Variants in GTF2H5 observed in about 807,000 individuals in gnomAD.
The protein encoded by GTF2H5 is general transcription factor IIH subunit 5, also known as TFB5 ortholog.
Under a neutral mutation model 7.1 loss-of-function variants are expected in GTF2H5, and 5 were observed. The observed-to-expected ratio is 0.71, with a 90% CI of 0.37 to 1.49. GTF2H5 has a LOEUF of 1.49. Among genes scored for constraint, GTF2H5 ranks in the 40% most tolerant of loss-of-function variants. The pLI is 0.03. For missense variants in GTF2H5, 80 were observed against 83.0 expected, an observed-to-expected ratio of 0.96 and a Z score of 0.14; for synonymous variants, 30 against 31.7, an observed-to-expected ratio of 0.95 and a Z score of 0.18.
Position 158,175,042 on chromosome 6 carries a change from G to A in GTF2H5, c.35+4504G>A, listed in dbSNP as rs369732731. The stretch of plus-strand genomic sequence containing the variant: ...TGTGTGTGTGTGTGTGTGTGTGTGT[G>A]TGTATACACACACACACACATACAC... On this transcript the variant is annotated intron_variant, in intron 2 of 2. Coordinates refer to ENST00000607778, the MANE Select transcript of GTF2H5 (RefSeq NM_207118.3). Among the ~76,000 whole-genome samples, 74 of 117,924 alleles carry A rather than the reference G, an allele frequency of 6.3e-4. 1 individual carries two copies. In the South Asian group the frequency reaches 6.3e-3, roughly 10 times the overall value. The allele number at this position is 117,924 out of a possible 152,430, so 77.4% of individuals were successfully genotyped here.
At chr6:158,180,853 T>C (rs1583633156) in intron 2 of GTF2H5, among the ~76,000 whole-genome samples, 3 of 141,924 alleles carry the variant, frequency 2.1e-5, no homozygotes, top group African/African-American at 7.8e-5. Flanking sequence ...TTTTGAAGGG[T>C]TTTTTTGTCT....
At chr6:158,190,944 A>C (rs1256819300) in intron 2 of GTF2H5, 1 of 515,662 alleles carries the variant, frequency 1.9e-6, no homozygotes, top group South Asian at 1.4e-5. Flanking sequence ...CCCGAGAAGA[A>C]ATTGTATCCC....
rs149190295 is a variant in GTF2H5, at chr6:158,169,977, C to T, written c.-34-493C>T. 8.4e-3 allele frequency among the ~76,000 whole-genome samples: 1,262 copies of T among 150,864 alleles called. 15 individuals carry two copies. Among genetic ancestry groups the T allele is most frequent in the African/African-American group, 0.029 (1,171 of 40,934 alleles). On this transcript the variant is annotated intron_variant, in intron 1 of 2. Transcript: ENST00000607778. Reference sequence around the variant, plus strand: ...AAGAGGTTGCAGGGAGCAGAGATCGCGCCACTGCACTACAGCCTGGGCGGC... The same window carrying T: ...AAGAGGTTGCAGGGAGCAGAGATCGTGCCACTGCACTACAGCCTGGGCGGC...
At chr6:158,169,234 G>A (rs1425717026) in intron 1 of GTF2H5, among the ~76,000 whole-genome samples, 4 of 136,882 alleles carry the variant, frequency 2.9e-5, no homozygotes, top group African/African-American at 1.1e-4. Flanking sequence ...ACTCTGTCTC[G>A]AAGTGTATAT....
In GTF2H5 at chr6:158,169,569, ATT is replaced by A. The variant is rs1344758584; in HGVS notation, c.-34-900_-34-899del. Among the ~76,000 whole-genome samples the A allele has an allele frequency of 5.7e-5, 5 of 88,274 alleles. 1 individual carries two copies. The highest frequency in any genetic ancestry group is 9.9e-5 in the Non-Finnish European group (5 of 50,372). The allele number at this position is 88,274 out of a possible 152,430, so 57.9% of individuals were successfully genotyped here. On this transcript the variant is annotated intron_variant, in intron 1 of 2. Transcript: ENST00000607778. Reference sequence around the variant, plus strand: ...ATATACTGTATATTATATATAATATATTGTATATTATATATAATATATTGTAT... The same window carrying A: ...ATATACTGTATATTATATATAATATAGTATATTATATATAATATATTGTAT...
intron 2 of GTF2H5, among the ~76,000 whole-genome samples, chr6:158,180,721 A>G (rs1460391510): frequency 6.6e-6 from 1 of 151,338 alleles, no homozygotes; most frequent in Non-Finnish European, 1.5e-5. Context: ...TATCCCCTTT[A>G]TCATTTTTTA....
chr6:158,187,394 C>A (rs994905818), intron 2 of GTF2H5, among the ~76,000 whole-genome samples: 1 of 152,232 alleles, frequency 6.6e-6, no homozygotes, highest in East Asian at 1.9e-4. Flanking sequence ...ATTATTCCCA[C>A]AAGAGACAGC....
intron 1 of GTF2H5, among the ~76,000 whole-genome samples, chr6:158,169,508 T>A (rs796376466): frequency 0.05 from 3,356 of 67,206 alleles, 193 homozygotes; most frequent in Non-Finnish European, 0.056. Context: ...TATAATATAT[T>A]GTATATTATA....
rs1020669598 is a variant in GTF2H5, at chr6:158,197,838, A to G, written c.*5681A>G. 5 of 152,184 alleles carry G rather than the reference A, an allele frequency of 3.3e-5. No individual in the cohort carries two copies. The highest frequency in any genetic ancestry group is 1.2e-4 in the African/African-American group (5 of 41,440). The allele number at this position is 152,184 out of a possible 1,614,324, so 9.4% of individuals were successfully genotyped here. ...ACTTCTTTTTGTTTCCCAATCTTAA[A>G]AAAATCCCTGAAGGGCACCTGTTTT... On this transcript the variant is annotated 3_prime_UTR_variant, in exon 3 of 3. Transcript: ENST00000607778.
intron 2 of GTF2H5, among the ~76,000 whole-genome samples, chr6:158,186,602 G>T (rs1464184395): frequency 2.0e-5 from 3 of 152,234 alleles, no homozygotes; most frequent in African/African-American, 7.2e-5. Context: ...AGTTTATTTT[G>T]CCAAGGTTAA....
chr6:158,169,817 A>G (rs1475113524), intron 1 of GTF2H5, among the ~76,000 whole-genome samples: 1 of 110,060 alleles, frequency 9.1e-6, no homozygotes, highest in Non-Finnish European at 1.7e-5. Flanking sequence ...TATATATTAT[A>G]TATAAAAGTG....
At position 158,197,638 on chromosome 6, in the gene GTF2H5, G is replaced by T. The variant is rs1777133454; in HGVS notation, c.*5481G>T. Reference sequence around the variant, plus strand: ...GATATCATCTGCTTATTATGAGAGTGTTTCGAGAGAAATCCAAAGCTTAGC... The same window carrying T: ...GATATCATCTGCTTATTATGAGAGTTTTTCGAGAGAAATCCAAAGCTTAGC... On this transcript the variant is annotated 3_prime_UTR_variant, in exon 3 of 3. Transcript: ENST00000607778. The T allele has an allele frequency of 6.6e-6, 1 of 152,166 alleles. No individual in the cohort carries two copies. Among genetic ancestry groups the T allele is most frequent in the Non-Finnish European group, 1.5e-5 (1 of 68,032 alleles). 9.4% of individuals were successfully genotyped at this position (152,166 alleles called of 1,614,324 possible). A position where few individuals can be genotyped will look rare whatever the true frequency, so the allele number is the denominator to read the frequency against.
chr6:158,188,340 G>C (rs939467686), intron 2 of GTF2H5, among the ~76,000 whole-genome samples: 4 of 152,152 alleles, frequency 2.6e-5, no homozygotes, highest in African/African-American at 9.7e-5. Flanking sequence ...GTGCAAGGAA[G>C]ATTTGAGGGA....
Position 158,192,013 on chromosome 6 carries a change from T to C in GTF2H5, c.72T>C (p.Asp24=). The C allele has an allele frequency of 6.2e-7, 1 of 1,614,106 alleles. No homozygotes were observed. Among genetic ancestry groups the C allele is most frequent in the East Asian group, 2.2e-5 (1 of 44,882 alleles). The part of the protein sequence containing the change: ...PAMKQFLLYL[D]ESNALGKKFI... ...TGAAGCAGTTTCTGCTGTACTTGGA[T>C]GAGTCCAATGCCCTGGGGAAGAAGT... Residue 24 remains aspartate (D), a synonymous_variant, in exon 3 of 3, where the codon GAT becomes GAC. Transcript: ENST00000607778.
chr6:158,197,312 C>A lies in GTF2H5; in HGVS notation c.*5155C>A. 1 of 193,380 alleles carries A rather than the reference C, an allele frequency of 5.2e-6. No individual in the cohort carries two copies. The highest frequency in any genetic ancestry group is 1.2e-5 in the Non-Finnish European group (1 of 84,642). The allele number at this position is 193,380 out of a possible 1,614,324, so 12.0% of individuals were successfully genotyped here. On this transcript the variant is annotated 3_prime_UTR_variant, in exon 3 of 3. Coordinates refer to ENST00000607778, the MANE Select transcript of GTF2H5 (RefSeq NM_207118.3). ...AAGCACAGTCGTCATGCAAAATAGT[C>A]ACTACTCATTCAAAAACTCTATAGT...
Position 158,169,256 on chromosome 6 carries a change from T to C in GTF2H5, c.-35+861T>C. 3.0e-5 allele frequency among the ~76,000 whole-genome samples: 4 copies of C among 132,184 alleles called. 1 individual carries two copies. The Middle Eastern group carries it at 0.015, about 482-fold the overall frequency. 86.7% of individuals were successfully genotyped at this position (132,184 alleles called of 152,430 possible). A position where few individuals can be genotyped will look rare whatever the true frequency, so the allele number is the denominator to read the frequency against. On this transcript the variant is annotated intron_variant, in intron 1 of 2. Coordinates refer to ENST00000607778, the MANE Select transcript of GTF2H5 (RefSeq NM_207118.3). ...CTCGAAGTGTATATATACATATATA[T>C]ATATTATATATGTATTTTATATATA... is the stretch of plus-strand genomic sequence containing the variant.
At chr6:158,187,549 T>A (rs1776950685) in intron 2 of GTF2H5, among the ~76,000 whole-genome samples, 1 of 152,138 alleles carries the variant, frequency 6.6e-6, no homozygotes. Flanking sequence ...GTCTGTTACC[T>A]GGGTCTTAAG....
At chr6:158,175,080 G>A (rs1785916612) in intron 2 of GTF2H5, among the ~76,000 whole-genome samples, 3 of 120,230 alleles carry the variant, frequency 2.5e-5, no homozygotes, top group Non-Finnish European at 5.2e-5. Context: ...ATATAGATAT[G>A]GCTTAGTAAA....
intron 2 of GTF2H5, among the ~76,000 whole-genome samples, chr6:158,183,700 C>A (rs1786039357): frequency 6.6e-6 from 1 of 152,240 alleles, no homozygotes; most frequent in South Asian, 2.1e-4. Flanking sequence ...GCGTGGGACC[C>A]ACCGAGCCAG....
Sources: gnomAD v4.1 joint callset for allele counts (sites outside exome capture counted in the v4.1 genomes callset) on GRCh38, gnomAD v4.1.1 for gene constraint, MANE v1.5 for transcripts, NCBI Gene and HGNC (gene_info 2026-07-23, HGNC 2026-07-21) for gene names.